The following EPHA6 variants were observed in gnomAD, a reference collection of about 807,000 sequenced individuals.
EPHA6 encodes ephrin type-A receptor 6.
In EPHA6, 50 loss-of-function variants were observed where a neutral mutation model predicts 112.0. The observed-to-expected ratio is 0.45, with a 90% CI of 0.36 to 0.56. The LOEUF (loss-of-function observed/expected upper bound fraction) is 0.56. Among genes scored for constraint, EPHA6 ranks in the 20% least tolerant of loss-of-function variants. The pLI is 0.00. For synonymous variants in EPHA6, 529 were observed against 490.7 expected (o/e 1.08, Z -1.03); for missense variants, 1,280 against 1,417.4 (o/e 0.90, Z 1.56).
intron 5 of EPHA6, among the ~76,000 whole-genome samples, chr3:97,404,554 A>G (rs1229914793): frequency 6.6e-6 from 1 of 152,164 alleles, no homozygotes; most frequent in Non-Finnish European, 1.5e-5. Context: ...TAGAATTATA[A>G]TATATGGAAA....
At chr3:97,487,115 A>G (rs550544793) in intron 10 of EPHA6, among the ~76,000 whole-genome samples, 3 of 152,192 alleles carry the variant, frequency 2.0e-5, no homozygotes, top group Non-Finnish European at 4.4e-5. Flanking sequence ...GACAATTGTC[A>G]AGTGCAGGAT....
intron 3 of EPHA6, among the ~76,000 whole-genome samples, chr3:97,013,253 A>T (rs904239774): frequency 6.6e-6 from 1 of 152,092 alleles, no homozygotes; most frequent in Admixed American, 6.6e-5. Flanking sequence ...GTGCTTGTTT[A>T]AAAAAGTGTG....
At position 97,595,677 on chromosome 3, in the gene EPHA6, A is replaced by AAGAGG. The variant is rs141447384; in HGVS notation, c.2512+2962_2512+2966dup. Among the ~76,000 whole-genome samples, 23 of 150,234 alleles carry AAGAGG rather than the reference A, an allele frequency of 1.5e-4. No homozygotes were observed. In the South Asian group the frequency reaches 1.7e-3, roughly 11 times the overall value. On this transcript the variant is annotated intron_variant, in intron 12 of 17. Coordinates refer to ENST00000389672, the MANE Select transcript of EPHA6 (RefSeq NM_001080448.3). ...GAAAAAAAAGGAAATCACAGGAGAG[A>AAGAGG]AGAGGAGAGGAGAGGAGAGGAGAGG...
At chr3:96,912,627 G>A (rs1049819808) in intron 2 of EPHA6, among the ~76,000 whole-genome samples, 8 of 152,104 alleles carry the variant, frequency 5.3e-5, no homozygotes, top group Non-Finnish European at 8.8e-5. Flanking sequence ...TCACTCTGTC[G>A]TTCAGGCTGG....
Position 97,754,085 on chromosome 3 carries a change from T to C in EPHA6, c.*5384T>C, listed in dbSNP as rs1260679296. On this transcript the variant is annotated 3_prime_UTR_variant, in exon 18 of 18. Coordinates refer to ENST00000389672, the MANE Select transcript of EPHA6 (RefSeq NM_001080448.3). ...ATGTATAAAAAATAACATTTATATCTTTTTTTTTTTTTTTTTTTTTGAGAT... is the reference window on the plus strand; with the variant it reads ...ATGTATAAAAAATAACATTTATATCCTTTTTTTTTTTTTTTTTTTTGAGAT... 3.0e-5 allele frequency among the ~76,000 whole-genome samples: 1 copy of C among 33,618 alleles called. No individual in the cohort carries two copies. Among genetic ancestry groups the C allele is most frequent in the Non-Finnish European group, 7.9e-5 (1 of 12,738 alleles). The allele number at this position is 33,618 out of a possible 152,430, so 22.1% of individuals were successfully genotyped here.
intron 16 of EPHA6, among the ~76,000 whole-genome samples, chr3:97,737,941 G>A (rs1050105424): frequency 6.6e-6 from 1 of 152,076 alleles, no homozygotes; most frequent in African/African-American, 2.4e-5. Flanking sequence ...TATCATAGAA[G>A]CCAAAAGAGG....
chr3:97,398,857 T>G (rs2086833251), intron 5 of EPHA6, among the ~76,000 whole-genome samples: 1 of 151,546 alleles, frequency 6.6e-6, no homozygotes, highest in African/African-American at 2.4e-5. Flanking sequence ...TATATATTTA[T>G]AGGGTACAGT....
intron 2 of EPHA6, among the ~76,000 whole-genome samples, chr3:96,979,873 C>A (rs2042688047): frequency 6.6e-6 from 1 of 152,112 alleles, no homozygotes; most frequent in Non-Finnish European, 1.5e-5. Flanking sequence ...CTGTTCATAT[C>A]CTTCACCCAC....
chr3:96,994,732 T>TATATATATATATAGAG (rs1170197805), intron 3 of EPHA6, among the ~76,000 whole-genome samples: 3 of 82,216 alleles, frequency 3.6e-5, no homozygotes, highest in Non-Finnish European at 6.5e-5. Flanking sequence ...TATATATATA[T>TATATATATATATAGAG]AGAGAGAGAG....
intron 5 of EPHA6, among the ~76,000 whole-genome samples, chr3:97,268,111 A>G (rs1214529684): frequency 2.0e-5 from 3 of 152,204 alleles, no homozygotes; most frequent in Non-Finnish European, 1.5e-5. Context: ...GATTGCAAAG[A>G]TGCCAGCTAC....
At chr3:97,222,840 G>A (rs929180523) in intron 3 of EPHA6, among the ~76,000 whole-genome samples, 3 of 152,174 alleles carry the variant, frequency 2.0e-5, no homozygotes, top group Admixed American at 2.0e-4. Flanking sequence ...GGTGCTTACA[G>A]CCATTAAACA....
intron 14 of EPHA6, among the ~76,000 whole-genome samples, chr3:97,685,175 A>C (rs769128173): frequency 6.6e-6 from 1 of 152,216 alleles, no homozygotes; most frequent in Admixed American, 6.5e-5. Flanking sequence ...TACTATTAAT[A>C]AACCAAATTT....
chr3:96,920,443 T>C (rs969115560), intron 2 of EPHA6, among the ~76,000 whole-genome samples: 2 of 151,946 alleles, frequency 1.3e-5, no homozygotes, highest in Non-Finnish European at 2.9e-5. Flanking sequence ...CACAATGTAT[T>C]TACTGAATGT....
At chr3:96,892,159 G>A (rs1040750477) in intron 2 of EPHA6, among the ~76,000 whole-genome samples, 1 of 152,118 alleles carries the variant, frequency 6.6e-6, no homozygotes, top group Admixed American at 6.5e-5. Context: ...ATCATAGGAG[G>A]CAGAGAATAC....
Position 96,814,686 on chromosome 3 carries a change from C to G in EPHA6, c.63C>G (p.Ser21=), listed in dbSNP as rs781586609. ...SSPAPQAASS[S]EAAAPATGQP... ...CGGCGCCGCAGGCAGCGTCCTCCTC[C>G]GAAGCAGCTGCACCTGCAACTGGGC... The change falls in exon 1 of 18, where the codon TCC becomes TCG. Residue 21 remains serine (S), a synonymous_variant. Coordinates refer to ENST00000389672, the MANE Select transcript of EPHA6 (RefSeq NM_001080448.3). 3 of 1,492,540 alleles carry G rather than the reference C, an allele frequency of 2.0e-6. No individual in the cohort carries two copies. The East Asian group carries it at 7.0e-5, about 35-fold the overall frequency. 92.5% of individuals were successfully genotyped at this position (1,492,540 alleles called of 1,614,324 possible).
intron 10 of EPHA6, among the ~76,000 whole-genome samples, chr3:97,489,395 G>T (rs1018507769): frequency 6.6e-6 from 1 of 152,120 alleles, no homozygotes; most frequent in African/African-American, 2.4e-5. Flanking sequence ...TTTAATTAAA[G>T]AAACTCAAGG....
chr3:97,039,355 T>C (rs533125929), intron 3 of EPHA6, among the ~76,000 whole-genome samples: 1 of 152,130 alleles, frequency 6.6e-6, no homozygotes, highest in East Asian at 1.9e-4. Flanking sequence ...AAAATGAAAT[T>C]TGAGAGTGGT....
chr3:97,507,706 TCTG>T (rs2092283627), intron 10 of EPHA6, among the ~76,000 whole-genome samples: 1 of 152,182 alleles, frequency 6.6e-6, no homozygotes, highest in Admixed American at 6.5e-5. Context: ...CCCTCTTTTT[TCTG>T]TTGTTTGGAA....
intron 1 of EPHA6, among the ~76,000 whole-genome samples, chr3:96,861,194 G>A (rs1008257984): frequency 2.0e-5 from 3 of 152,066 alleles, no homozygotes; most frequent in Non-Finnish European, 4.4e-5. Context: ...AAGAAGGTAT[G>A]AAAGTCAAGA....
Sources: gnomAD v4.1 joint callset for allele counts (sites outside exome capture counted in the v4.1 genomes callset) on GRCh38, gnomAD v4.1.1 for gene constraint, MANE v1.5 for transcripts, NCBI Gene and HGNC (gene_info 2026-07-23, HGNC 2026-07-21) for gene names.